CHD7: variants seen among roughly 807,000 people sequenced by gnomAD.
CHD7 encodes ATP-dependent chromatin remodeler CHD7.
Under a neutral mutation model 307.3 loss-of-function variants are expected in CHD7, and 24 were observed. That is an observed-to-expected ratio of 0.08 (90% CI 0.06 to 0.11). The LOEUF (loss-of-function observed/expected upper bound fraction) is 0.11, where lower values mean the gene tolerates loss of function less well. Ranked by LOEUF, CHD7 falls within the 10% of genes least tolerant of loss-of-function variation. The pLI is 1.00. For synonymous variants in CHD7, 1,363 were observed against 1,349.9 expected (o/e 1.01, Z -0.21); for missense variants, 3,106 against 3,727.1 (o/e 0.83, Z 4.34).
At chr8:60,709,929 A>G (rs902473735) in intron 1 of CHD7, among the ~76,000 whole-genome samples, 1 of 152,216 alleles carries the variant, frequency 6.6e-6, no homozygotes. Context: ...CTGATTTGTT[A>G]GTAATGGAGT....
At chr8:60,759,347 T>A (rs544494411) in intron 2 of CHD7, among the ~76,000 whole-genome samples, 1 of 152,198 alleles carries the variant, frequency 6.6e-6, no homozygotes, top group Non-Finnish European at 1.5e-5. Context: ...AGCAAACCTA[T>A]TGTTTCTGAT....
chr8:60,727,081 A>G (rs1160583163), intron 1 of CHD7, among the ~76,000 whole-genome samples: 2 of 152,180 alleles, frequency 1.3e-5, no homozygotes, highest in Non-Finnish European at 2.9e-5. Flanking sequence ...TATGCTCCTA[A>G]TAGCTCTCTG....
rs747024874 is a variant in CHD7 at position 60,781,293 on chromosome 8, G to T, written c.1959G>T (p.Pro653=). ...KKKRSKAKKD[P]KEPKEPKEKK... ...AAAGGTCAAAGGCAAAAAAAGACCC[G>T]AAGGAACCGAAAGAACCCAAGGAGA... is the stretch of plus-strand genomic sequence containing the variant. Residue 653 remains proline (P), a synonymous_variant, in exon 3 of 38, where the codon CCG becomes CCT. Transcript: ENST00000423902. The T allele has an allele frequency of 9.0e-6, 14 of 1,564,102 alleles. No individual in the cohort carries two copies. Among genetic ancestry groups the T allele is most frequent in the Non-Finnish European group, 1.2e-5 (14 of 1,154,836 alleles).
At chr8:60,825,633 G>A (rs1175702897) in intron 13 of CHD7, among the ~76,000 whole-genome samples, 1 of 152,096 alleles carries the variant, frequency 6.6e-6, no homozygotes. Flanking sequence ...TTCTCAGTAG[G>A]GATCCACCTT....
intron 2 of CHD7, among the ~76,000 whole-genome samples, chr8:60,780,705 T>C (rs1014798665): frequency 1.6e-4 from 25 of 152,256 alleles, no homozygotes; most frequent in African/African-American, 6.0e-4. Flanking sequence ...TCATGTAGGC[T>C]GTTTAAAAAA....
At chr8:60,840,810 G>T (rs1432636407) in intron 19 of CHD7, among the ~76,000 whole-genome samples, 1 of 151,358 alleles carries the variant, frequency 6.6e-6, no homozygotes, top group Admixed American at 6.6e-5. Flanking sequence ...TAGAGACAGG[G>T]TTTCACCATG....
chr8:60,734,403 AAGAG>A (rs1359560896), intron 1 of CHD7, among the ~76,000 whole-genome samples: 5 of 152,202 alleles, frequency 3.3e-5, no homozygotes, highest in Non-Finnish European at 5.9e-5. Flanking sequence ...AGTCGCCAGA[AAGAG>A]AGGGAGGTGA....
intron 2 of CHD7, among the ~76,000 whole-genome samples, chr8:60,777,591 A>G (rs779481602): frequency 6.6e-6 from 1 of 152,194 alleles, no homozygotes; most frequent in Non-Finnish European, 1.5e-5. Context: ...CACTTCCCCC[A>G]TCGGGTCTCC....
chr8:60,778,460 G>A (rs906738622), intron 2 of CHD7, among the ~76,000 whole-genome samples: 8 of 152,056 alleles, frequency 5.3e-5, no homozygotes, highest in Non-Finnish European at 1.2e-4. Flanking sequence ...AACATGATTT[G>A]CATGCTAAAG....
intron 2 of CHD7, among the ~76,000 whole-genome samples, chr8:60,776,514 C>A (rs1474701778): frequency 2.0e-5 from 3 of 152,072 alleles, no homozygotes; most frequent in Non-Finnish European, 4.4e-5. Flanking sequence ...TCCTCTGCCT[C>A]CCCCTCTCTC....
chr8:60,791,707 T>TG (rs1811780317), intron 3 of CHD7, among the ~76,000 whole-genome samples: 1 of 152,144 alleles, frequency 6.6e-6, no homozygotes, highest in Non-Finnish European at 1.5e-5. Context: ...GATGAGGCAG[T>TG]GGGGAGCTGT....
At chr8:60,740,917 T>C (rs1303239734) in intron 1 of CHD7, among the ~76,000 whole-genome samples, 1 of 152,246 alleles carries the variant, frequency 6.6e-6, no homozygotes, top group Non-Finnish European at 1.5e-5. Flanking sequence ...TTCATACATC[T>C]GCTTGCCTGC....
At chr8:60,820,167 C>A in intron 9 of CHD7, 77 bp downstream of exon 9, 1 of 894,056 alleles carries the variant, frequency 1.1e-6, no homozygotes, top group South Asian at 1.6e-5. Flanking sequence ...TGGTAGAATC[C>A]TAGACCTGGT....
intron 13 of CHD7, 58 bp from the exon 14 acceptor site, chr8:60,828,605 G>T: frequency 6.6e-7 from 1 of 1,512,284 alleles, no homozygotes; most frequent in South Asian, 1.3e-5. Flanking sequence ...AGAGGCTCTG[G>T]TTTTAAGAAA....
At chr8:60,747,430 A>T (rs1809387660) in intron 2 of CHD7, among the ~76,000 whole-genome samples, 1 of 152,236 alleles carries the variant, frequency 6.6e-6, no homozygotes, top group East Asian at 1.9e-4. Flanking sequence ...TAAAAATAAT[A>T]AACCATTATG....
chr8:60,820,386 G>A (rs145756574), intron 9 of CHD7, among the ~76,000 whole-genome samples: 7 of 152,210 alleles, frequency 4.6e-5, no homozygotes, highest in African/African-American at 1.4e-4. Context: ...GTACATTTTG[G>A]TATAAATCTG....
rs1370112773 is a variant in CHD7 at position 60,851,195 on chromosome 8, T to A, written c.5608-67T>A. On this transcript the variant is annotated intron_variant, in intron 27 of 37. Transcript: ENST00000423902. ...TTAAACTTTATAGATAATGACCTTT[T>A]CTTTAAAAGACAAAGAAAAATGAGA... 5 of 1,505,266 alleles carry A rather than the reference T, an allele frequency of 3.3e-6. No individual in the cohort carries two copies. In the African/African-American group the frequency reaches 5.6e-5, roughly 17 times the overall value. 93.2% of individuals were successfully genotyped at this position (1,505,266 alleles called of 1,614,324 possible).
rs767259131 is a variant in CHD7 at position 60,823,937 on chromosome 8, G to A, written c.3299G>A (p.Arg1100His). ...DCPELRNIPW[R>H]CVVIDEAHRL... ...CCTGAGCTGCGGAATATTCCATGGC[G>A]CTGTGTAGTCATTGATGAAGCCCAC... is the stretch of plus-strand genomic sequence containing the variant. Residue 1100 changes from arginine to histidine, a missense_variant, in exon 13 of 38, where the codon CGC becomes CAC. Arg to His is a conservative substitution (Grantham distance 29, BLOSUM62 0). Transcript: ENST00000423902. The A allele has an allele frequency of 4.9e-5, 79 of 1,613,690 alleles. No individual in the cohort carries two copies. The highest frequency in any genetic ancestry group is 2.0e-4 in the Admixed American group (12 of 59,978).
At chr8:60,858,728 C>T (rs1206542578) in intron 34 of CHD7, among the ~76,000 whole-genome samples, 1 of 152,196 alleles carries the variant, frequency 6.6e-6, no homozygotes, top group Non-Finnish European at 1.5e-5. Flanking sequence ...CCACCTCAGC[C>T]TCCCTAGTAG....
Sources: gnomAD v4.1 joint callset for allele counts (sites outside exome capture counted in the v4.1 genomes callset) on GRCh38, gnomAD v4.1.1 for gene constraint, MANE v1.5 for transcripts, NCBI Gene and HGNC (gene_info 2026-07-23, HGNC 2026-07-21) for gene names.